KSR2: variants seen among roughly 807,000 people sequenced by gnomAD.
The protein encoded by KSR2 is kinase suppressor of ras 2.
KSR2 carries 25 observed loss-of-function variants against 107.8 expected under a neutral mutation model. The observed-to-expected ratio is 0.23, with a 90% CI of 0.17 to 0.32. KSR2 has a LOEUF of 0.32. Ranked by LOEUF, KSR2 falls within the 10% of genes least tolerant of loss-of-function variation. The pLI is 1.00. For missense variants in KSR2, 887 were observed against 1,268.9 expected (o/e 0.70, Z 4.57); for synonymous variants, 480 against 507.0 (o/e 0.95, Z 0.71).
At chr12:117,962,159 A>G (rs1216529387) in intron 1 of KSR2, among the ~76,000 whole-genome samples, 2 of 151,616 alleles carry the variant, frequency 1.3e-5, no homozygotes, top group African/African-American at 2.4e-5. Flanking sequence ...AAAAAAAAAA[A>G]AAAAAAAAAG....
intron 7 of KSR2, among the ~76,000 whole-genome samples, chr12:117,573,524 C>CT (rs35130903): frequency 0.33 from 35,468 of 108,306 alleles, 6,682 homozygotes; most frequent in Middle Eastern, 0.42. Context: ...CACATGTTAT[C>CT]TTTTTTTTTT....
chr12:117,556,572 G>GT (rs1279055477), intron 8 of KSR2, among the ~76,000 whole-genome samples: 4 of 152,140 alleles, frequency 2.6e-5, no homozygotes, highest in African/African-American at 9.7e-5. Flanking sequence ...CCAACTGCCC[G>GT]TTGGCTTTGG....
In KSR2 at chr12:117,824,584, C is replaced by T. The variant is rs368349928; in HGVS notation, c.472+30844G>A. Among the ~76,000 whole-genome samples, 10 of 152,040 alleles carry T rather than the reference C, an allele frequency of 6.6e-5. No homozygotes were observed. The South Asian group carries it at 1.2e-3, about 19-fold the overall frequency. ...TTTTAAAAAAATTTTAGGCCGGGCG[C>T]GGTGGCTCATACCTGTAATCCCAGC... is the stretch of plus-strand genomic sequence containing the variant. On this transcript the variant is annotated intron_variant, in intron 3 of 19. Coordinates refer to ENST00000339824, the MANE Select transcript of KSR2 (RefSeq NM_173598.6).
chr12:117,674,586 T>C (rs1183378762), intron 4 of KSR2, among the ~76,000 whole-genome samples: 1 of 152,192 alleles, frequency 6.6e-6, no homozygotes, highest in African/African-American at 2.4e-5. Context: ...ACATTGCATA[T>C]AAATGGAATC....
intron 4 of KSR2, among the ~76,000 whole-genome samples, chr12:117,727,604 AG>A: frequency 6.6e-6 from 1 of 152,122 alleles, no homozygotes; most frequent in Admixed American, 6.5e-5. Context: ...TGTAGCCTCA[AG>A]ACAAGGAAGG....
intron 1 of KSR2, among the ~76,000 whole-genome samples, chr12:117,878,915 T>C (rs550922839): frequency 6.6e-6 from 1 of 152,072 alleles, no homozygotes; most frequent in African/African-American, 2.4e-5. Context: ...ACATAAACAA[T>C]CAACATAGTG....
intron 1 of KSR2, among the ~76,000 whole-genome samples, chr12:117,945,935 A>T (rs1896166908): frequency 6.6e-6 from 1 of 152,202 alleles, no homozygotes; most frequent in Admixed American, 6.5e-5. Flanking sequence ...AATAAAATAT[A>T]TCCAAGCACT....
At chr12:117,915,921 G>C (rs1895157497) in intron 1 of KSR2, among the ~76,000 whole-genome samples, 1 of 151,934 alleles carries the variant, frequency 6.6e-6, no homozygotes, top group Non-Finnish European at 1.5e-5. Flanking sequence ...CCCTCAAGCA[G>C]ACTTTGAGGA....
At chr12:117,576,639 G>A (rs12312244) in intron 7 of KSR2, among the ~76,000 whole-genome samples, 16,337 of 145,338 alleles carry the variant, frequency 0.11, 954 homozygotes, top group Middle Eastern at 0.21. Flanking sequence ...CTAGGACCAC[G>A]GTATGTGCCA....
intron 3 of KSR2, among the ~76,000 whole-genome samples, chr12:117,850,988 A>C (rs1892901397): frequency 6.6e-6 from 1 of 152,206 alleles, no homozygotes; most frequent in Non-Finnish European, 1.5e-5. Context: ...TAAGCATTAA[A>C]ATGTTTTTAA....
At chr12:117,781,727 C>A (rs1251249256) in intron 3 of KSR2, among the ~76,000 whole-genome samples, 3 of 152,148 alleles carry the variant, frequency 2.0e-5, no homozygotes, top group African/African-American at 7.2e-5. Context: ...ATTTTACTGG[C>A]TTGACCTAAG....
rs116878239 is a variant in KSR2 at position 117,774,304 on chromosome 12, C to T, written c.473-12780G>A. On this transcript the variant is annotated intron_variant, in intron 3 of 19. Coordinates refer to ENST00000339824, the MANE Select transcript of KSR2 (RefSeq NM_173598.6). The stretch of plus-strand genomic sequence containing the variant: ...AGTTTGTCATCCTTGCAAAAAGAAG[C>T]GAATAAGGACAAATGAAAAACATAC... 5.3e-4 allele frequency among the ~76,000 whole-genome samples: 80 copies of T among 152,238 alleles called. No homozygotes were observed. In the East Asian group the frequency reaches 0.014, roughly 28 times the overall value.
At chr12:117,933,646 T>C (rs1322823730) in intron 1 of KSR2, among the ~76,000 whole-genome samples, 1 of 151,882 alleles carries the variant, frequency 6.6e-6, no homozygotes, top group East Asian at 1.9e-4. Context: ...TAAAAGAGCA[T>C]CCTATATTTT....
chr12:117,903,279 C>T (rs1276203151), intron 1 of KSR2, among the ~76,000 whole-genome samples: 1 of 152,174 alleles, frequency 6.6e-6, no homozygotes, highest in Admixed American at 6.5e-5. Context: ...TGGCCCACAG[C>T]TGGCTGTGGG....
chr12:117,469,624 C>T, intron 19 of KSR2, 38 bp downstream of exon 19: 1 of 1,603,922 alleles, frequency 6.2e-7, no homozygotes, highest in South Asian at 1.1e-5. Flanking sequence ...GGGCAGAGGA[C>T]AAGGCAGTGG....
chr12:117,819,929 G>GA (rs1891505330), intron 3 of KSR2, among the ~76,000 whole-genome samples: 1 of 151,996 alleles, frequency 6.6e-6, no homozygotes, highest in Non-Finnish European at 1.5e-5. Flanking sequence ...AAATGCATAG[G>GA]AAAAAAGCCT....
At chr12:117,815,435 C>T (rs183057126) in intron 3 of KSR2, among the ~76,000 whole-genome samples, 3 of 152,242 alleles carry the variant, frequency 2.0e-5, no homozygotes, top group African/African-American at 7.2e-5. Context: ...GTGTATAGCA[C>T]TCTACCGTGT....
At chr12:117,618,508 T>C (rs998541567) in intron 5 of KSR2, among the ~76,000 whole-genome samples, 4 of 152,210 alleles carry the variant, frequency 2.6e-5, no homozygotes, top group Admixed American at 1.3e-4. Flanking sequence ...AGTCATGGCC[T>C]GATATGGTTT....
chr12:117,541,518 C>T (rs1876492330), intron 9 of KSR2, among the ~76,000 whole-genome samples: 1 of 152,166 alleles, frequency 6.6e-6, no homozygotes, highest in Non-Finnish European at 1.5e-5. Context: ...GGGATTCCTA[C>T]CTCTCAAAGC....
Sources: gnomAD v4.1 joint callset for allele counts (sites outside exome capture counted in the v4.1 genomes callset) on GRCh38, gnomAD v4.1.1 for gene constraint, MANE v1.5 for transcripts, NCBI Gene and HGNC (gene_info 2026-07-23, HGNC 2026-07-21) for gene names.